The following KRTAP10-7 variants were observed in gnomAD, a reference collection of about 807,000 sequenced individuals.
KRTAP10-7 encodes keratin associated protein 10-7.
For synonymous variants in KRTAP10-7, 162 were observed against 199.6 expected (o/e 0.81, Z 1.59); for missense variants, 394 against 474.3 (o/e 0.83, Z 1.57).
rs368538502 is a variant in KRTAP10-7, at chr21:44,601,188, G to C, written c.567G>C (p.Ala189=). ...VSCVSSPCCQ[A]VCEPSPCQSG... is the part of the protein sequence containing the mutation. Reference sequence around the variant, plus strand: ...GTGTGTCCAGTCCCTGCTGCCAGGCGGTCTGTGAGCCCAGCCCCTGCCAAT... The same window carrying C: ...GTGTGTCCAGTCCCTGCTGCCAGGCCGTCTGTGAGCCCAGCCCCTGCCAAT... Residue 189 remains alanine (A), a synonymous_variant, in exon 1 of 1, where the codon GCG becomes GCC. Transcript: ENST00000609664. The C allele has an allele frequency of 3.1e-6, 5 of 1,601,966 alleles. No individual in the cohort carries two copies. The South Asian group carries it at 3.3e-5, about 11-fold the overall frequency.
In KRTAP10-7 at chr21:44,601,090, G is replaced by T. The variant is rs1218053941; in HGVS notation, c.469G>T (p.Val157Leu). 10 of 1,609,504 alleles carry T rather than the reference G, an allele frequency of 6.2e-6. No homozygotes were observed. The highest frequency in any genetic ancestry group is 8.5e-6 in the Non-Finnish European group (10 of 1,179,472). The change falls in exon 1 of 1, where the codon GTG (valine) becomes TTG (leucine). Residue 157 changes from valine to leucine, a missense_variant. By Grantham distance (32) the Val-to-Leu change is conservative (BLOSUM62 1). Transcript: ENST00000609664. ...CTCCCCCTGCCAGCAGGCCTGCTGT[G>T]TGCCCATCTGCTGCAAGCCTGTCTG... ...TSSPCQQACCVPICCKPVCSG... is the reference protein window; with the variant it reads ...TSSPCQQACCLPICCKPVCSG...
In KRTAP10-7 at chr21:44,600,841, C is replaced by A. The variant is rs782593507; in HGVS notation, c.220C>A (p.Pro74Thr). 3 of 1,608,798 alleles carry A rather than the reference C, an allele frequency of 1.9e-6. No individual in the cohort carries two copies. The highest frequency in any genetic ancestry group is 3.3e-5 in the Admixed American group (2 of 59,854). Residue 74 changes from proline (P) to threonine (T), a missense_variant, in exon 1 of 1, where the codon CCC (proline) becomes ACC (threonine). By Grantham distance (38) the Pro-to-Thr change is conservative. Transcript: ENST00000609664. The stretch of plus-strand genomic sequence containing the variant: ...CCCCTGCTGCCGAGTGACCTGTGAG[C>A]CCAGCCCCTGCCAATCAGGCTGCAC... ...SSPCCRVTCE[P>T]SPCQSGCTSS...
In KRTAP10-7 at chr21:44,600,825, C is replaced by G; in HGVS notation, c.204C>G (p.Cys68Trp). The stretch of plus-strand genomic sequence containing the variant: ...TGAGCTATGTGTCCAGCCCCTGCTG[C>G]CGAGTGACCTGTGAGCCCAGCCCCT... ...TPVSYVSSPCCRVTCEPSPCQ... is the reference protein window; with the variant it reads ...TPVSYVSSPCWRVTCEPSPCQ... Residue 68 changes from cysteine (C) to tryptophan (W), a missense_variant, in exon 1 of 1, where the codon TGC becomes TGG. Cys to Trp is a radical substitution (Grantham distance 215). Coordinates refer to ENST00000609664, the MANE Select transcript of KRTAP10-7 (RefSeq NM_198689.3). The G allele has an allele frequency of 6.2e-7, 1 of 1,605,466 alleles. No individual in the cohort carries two copies. The highest frequency in any genetic ancestry group is 8.5e-7 in the Non-Finnish European group (1 of 1,178,400).
In KRTAP10-7 at chr21:44,601,049, C is replaced by T. The variant is rs1980820419; in HGVS notation, c.428C>T (p.Ser143Leu). The change falls in exon 1 of 1, where the codon TCA becomes TTA. Residue 143 changes from serine to leucine, a missense_variant. Ser to Leu is a moderately radical substitution (Grantham distance 145). Coordinates refer to ENST00000609664, the MANE Select transcript of KRTAP10-7 (RefSeq NM_198689.3). The stretch of plus-strand genomic sequence containing the variant: ...TGCTGCCAGCAGTCTAGCTGCCAGT[C>T]AGCTTGCTGCACCTCCTCCCCCTGC... ...SSCCQQSSCQ[S>L]ACCTSSPCQQ... is the part of the protein sequence containing the mutation. 6.2e-7 allele frequency: 1 copy of T among 1,612,332 alleles called. No homozygotes were observed. The highest frequency in any genetic ancestry group is 8.5e-7 in the Non-Finnish European group (1 of 1,179,794).
At position 44,601,596 on chromosome 21, in the gene KRTAP10-7, C is replaced by A. The variant is rs1312560158; in HGVS notation, c.975C>A (p.Val325=). 1 of 1,613,478 alleles carries A rather than the reference C, an allele frequency of 6.2e-7. No homozygotes were observed. The highest frequency in any genetic ancestry group is 8.5e-7 in the Non-Finnish European group (1 of 1,179,786). Residue 325 remains valine, a synonymous_variant, in exon 1 of 1, where the codon GTC becomes GTA. Coordinates refer to ENST00000609664, the MANE Select transcript of KRTAP10-7 (RefSeq NM_198689.3). The stretch of plus-strand genomic sequence containing the variant: ...GCAGGCCCGCCTGCTGCGTGCCCGT[C>A]CCCTCCTGCTGCGCCCCCACCTCCT... The part of the protein sequence containing the change: ...PVCRPACCVP[V]PSCCAPTSSC...
chr21:44,600,725 A>G lies in KRTAP10-7; in HGVS notation c.104A>G (p.Asp35Gly). 6.2e-7 allele frequency: 1 copy of G among 1,612,384 alleles called. No homozygotes were observed. Among genetic ancestry groups the G allele is most frequent in the South Asian group, 1.1e-5 (1 of 90,934 alleles). The stretch of plus-strand genomic sequence containing the variant: ...TCTTGCTCCGACTCCTGGCAGGTGG[A>G]CGACTGCCCAGAGAGCTGCTGCGAG... ...CDSCSDSWQV[D>G]DCPESCCEPP... The change falls in exon 1 of 1, where the codon GAC (aspartate) becomes GGC (glycine). Residue 35 changes from aspartate (D) to glycine (G), a missense_variant. Transcript: ENST00000609664.
chr21:44,600,631 T>C lies in KRTAP10-7; in HGVS notation c.10T>C (p.Ser4Pro), dbSNP rs782639544. The C allele has an allele frequency of 1.2e-6, 2 of 1,613,090 alleles. No homozygotes were observed. The highest frequency in any genetic ancestry group is 1.7e-6 in the Non-Finnish European group (2 of 1,179,464). The change falls in exon 1 of 1, where the codon TCC becomes CCC. Residue 4 changes from serine (S) to proline (P), a missense_variant. Coordinates refer to ENST00000609664, the MANE Select transcript of KRTAP10-7 (RefSeq NM_198689.3). ...CAGTTCAATCCCCAGCATGGCTGCG[T>C]CCACTATGTCTGTCTGCTCCAGCGA... MAASTMSVCSSDLS... is the reference protein window; with the variant it reads MAAPTMSVCSSDLS...
At position 44,601,672 on chromosome 21, in the gene KRTAP10-7, C is replaced by T. The variant is rs782495014; in HGVS notation, c.1051C>T (p.Arg351Cys). 15 of 1,612,752 alleles carry T rather than the reference C, an allele frequency of 9.3e-6. No homozygotes were observed. The highest frequency in any genetic ancestry group is 3.3e-5 in the South Asian group (3 of 90,942). ...AGCCTCCTGTGTGTCTCTCCTTTGC[C>T]GCCCCGCATGCTCCCGCCCGGCCTG... ...RPASCVSLLC[R>C]PACSRPACCG... The change falls in exon 1 of 1, where the codon CGC (arginine) becomes TGC (cysteine). Residue 351 changes from arginine (R) to cysteine (C), a missense_variant. By Grantham distance (180) the Arg-to-Cys change is radical (BLOSUM62 -3). Coordinates refer to ENST00000609664, the MANE Select transcript of KRTAP10-7 (RefSeq NM_198689.3).
rs1555928910 is a variant in KRTAP10-7, at chr21:44,601,739, TCTC to T, written c.*8_*10del. 2 of 1,607,866 alleles carry T rather than the reference TCTC, an allele frequency of 1.2e-6. No homozygotes were observed. Among genetic ancestry groups the T allele is most frequent in the Admixed American group, 1.7e-5 (1 of 59,782 alleles). Reference sequence around the variant, plus strand: ...ACCCAGAAGTCCAGCTGCTGAGTGATCTCCTTAAGATCATCCAAAGCCTGAGTG... The same window carrying T: ...ACCCAGAAGTCCAGCTGCTGAGTGATCTTAAGATCATCCAAAGCCTGAGTG... On this transcript the variant is annotated 3_prime_UTR_variant, in exon 1 of 1. Coordinates refer to ENST00000609664, the MANE Select transcript of KRTAP10-7 (RefSeq NM_198689.3).
In KRTAP10-7 at chr21:44,602,018, A is replaced by C; in HGVS notation, c.*284A>C. On this transcript the variant is annotated 3_prime_UTR_variant, in exon 1 of 1. Transcript: ENST00000609664. ...AGGCCATAGCCCGGTGTGGGGAGAA[A>C]TGAGGGTAGACAGGTACCAACTGGG... 1 of 552,220 alleles carries C rather than the reference A, an allele frequency of 1.8e-6. No homozygotes were observed. The highest frequency in any genetic ancestry group is 3.1e-5 in the East Asian group (1 of 32,030). 34.2% of individuals were successfully genotyped at this position (552,220 alleles called of 1,614,324 possible).
chr21:44,602,001 GC>G lies in KRTAP10-7; in HGVS notation c.*270del, dbSNP rs1980967773. ...GGCCAGCGGGTGCTCCCAGGCCATA[GC>G]CCGGTGTGGGGAGAAATGAGGGTAG... On this transcript the variant is annotated 3_prime_UTR_variant, in exon 1 of 1. Transcript: ENST00000609664. 1.7e-6 allele frequency: 1 copy of G among 583,948 alleles called. No homozygotes were observed. The highest frequency in any genetic ancestry group is 3.1e-6 in the Non-Finnish European group (1 of 321,074). The allele number at this position is 583,948 out of a possible 1,614,324, so 36.2% of individuals were successfully genotyped here.
Position 44,601,172 on chromosome 21 carries a change from G to C in KRTAP10-7, c.551G>C (p.Ser184Thr), listed in dbSNP as rs782368834. The change falls in exon 1 of 1, where the codon AGT becomes ACT. Residue 184 changes from serine (S) to threonine (T), a missense_variant. By Grantham distance (58) the Ser-to-Thr change is moderately conservative. Transcript: ENST00000609664. The part of the protein sequence containing the change: ...QQSSCVSCVS[S>T]PCCQAVCEPS... The stretch of plus-strand genomic sequence containing the variant: ...TCTAGCTGTGTGAGCTGTGTGTCCA[G>C]TCCCTGCTGCCAGGCGGTCTGTGAG... 8.8e-6 allele frequency: 14 copies of C among 1,599,716 alleles called. No individual in the cohort carries two copies. The African/African-American group carries it at 1.9e-4, about 21-fold the overall frequency.
In KRTAP10-7 at chr21:44,600,728, A is replaced by C. The variant is rs59535157; in HGVS notation, c.107A>C (p.Asp36Ala). 5,071 of 1,606,364 alleles carry C rather than the reference A, an allele frequency of 3.2e-3. 144 individuals carry two copies. In the African/African-American group the frequency reaches 0.062, roughly 20 times the overall value. Residue 36 changes from aspartate (D) to alanine (A), a missense_variant, in exon 1 of 1, where the codon GAC (aspartate) becomes GCC (alanine). Coordinates refer to ENST00000609664, the MANE Select transcript of KRTAP10-7 (RefSeq NM_198689.3). ...DSCSDSWQVDDCPESCCEPPC... is the reference protein window; with the variant it reads ...DSCSDSWQVDACPESCCEPPC... ...TGCTCCGACTCCTGGCAGGTGGACG[A>C]CTGCCCAGAGAGCTGCTGCGAGCCC...
rs782545061 is a variant in KRTAP10-7 at position 44,601,610 on chromosome 21, C to T, written c.989C>T (p.Ala330Val). Residue 330 changes from alanine (A) to valine (V), a missense_variant, in exon 1 of 1, where the codon GCC becomes GTC. Transcript: ENST00000609664. The part of the protein sequence containing the change: ...ACCVPVPSCC[A>V]PTSSCQASCC... The stretch of plus-strand genomic sequence containing the variant: ...TGCGTGCCCGTCCCCTCCTGCTGCG[C>T]CCCCACCTCCTCCTGCCAGGCCAGC... 1.9e-5 allele frequency: 30 copies of T among 1,613,508 alleles called. No individual in the cohort carries two copies. The highest frequency in any genetic ancestry group is 3.3e-4 in the Middle Eastern group (2 of 6,058).
rs780545702 is a variant in KRTAP10-7, at chr21:44,600,608, G to C, written c.-14G>C. The C allele has an allele frequency of 3.5e-5, 57 of 1,608,486 alleles. No homozygotes were observed. The highest frequency in any genetic ancestry group is 4.8e-5 in the Non-Finnish European group (56 of 1,177,080). On this transcript the variant is annotated 5_prime_UTR_variant, in exon 1 of 1. Transcript: ENST00000609664. ...CACCCACTCACTCCCATCTCCTCCA[G>C]TTCAATCCCCAGCATGGCTGCGTCC... is the stretch of plus-strand genomic sequence containing the variant.
Position 44,600,996 on chromosome 21 carries a change from T to C in KRTAP10-7, c.375T>C (p.Cys125=). ...CTGTCTGCTGCAAGCCTGTGTACTG[T>C]GTGCCTGTCTGCAGTGGGGATTCTT... ...CKTVCCKPVY[C]VPVCSGDSSC... Residue 125 remains cysteine, a synonymous_variant, in exon 1 of 1, where the codon TGT becomes TGC. Transcript: ENST00000609664. 1 of 1,611,658 alleles carries C rather than the reference T, an allele frequency of 6.2e-7. No homozygotes were observed. The highest frequency in any genetic ancestry group is 8.5e-7 in the Non-Finnish European group (1 of 1,179,788).
Position 44,601,070 on chromosome 21 carries a change from C to A in KRTAP10-7, c.449C>A (p.Pro150His), listed in dbSNP as rs1555928561. 3 of 1,610,328 alleles carry A rather than the reference C, an allele frequency of 1.9e-6. No individual in the cohort carries two copies. Among genetic ancestry groups the A allele is most frequent in the East Asian group, 4.5e-5 (2 of 44,346 alleles). ...SCQSACCTSS[P>H]CQQACCVPIC... Reference sequence around the variant, plus strand: ...CAGTCAGCTTGCTGCACCTCCTCCCCCTGCCAGCAGGCCTGCTGTGTGCCC... The same window carrying A: ...CAGTCAGCTTGCTGCACCTCCTCCCACTGCCAGCAGGCCTGCTGTGTGCCC... Residue 150 changes from proline (P) to histidine (H), a missense_variant, in exon 1 of 1, where the codon CCC becomes CAC. Transcript: ENST00000609664.
Position 44,602,023 on chromosome 21 carries a change from G to A in KRTAP10-7, c.*289G>A. 1 of 540,358 alleles carries A rather than the reference G, an allele frequency of 1.9e-6. No homozygotes were observed. Among genetic ancestry groups the A allele is most frequent in the Non-Finnish European group, 3.4e-6 (1 of 296,290 alleles). 33.5% of individuals were successfully genotyped at this position (540,358 alleles called of 1,614,324 possible). On this transcript the variant is annotated 3_prime_UTR_variant, in exon 1 of 1. Transcript: ENST00000609664. Reference sequence around the variant, plus strand: ...ATAGCCCGGTGTGGGGAGAAATGAGGGTAGACAGGTACCAACTGGGTTTCT... The same window carrying A: ...ATAGCCCGGTGTGGGGAGAAATGAGAGTAGACAGGTACCAACTGGGTTTCT...
chr21:44,601,848 G>C lies in KRTAP10-7; in HGVS notation c.*114G>C. The C allele has an allele frequency of 7.1e-7, 1 of 1,406,112 alleles. No homozygotes were observed. The highest frequency in any genetic ancestry group is 9.5e-7 in the Non-Finnish European group (1 of 1,048,494). The allele number at this position is 1,406,112 out of a possible 1,614,324, so 87.1% of individuals were successfully genotyped here. On this transcript the variant is annotated 3_prime_UTR_variant, in exon 1 of 1. Transcript: ENST00000609664. ...CTCCTAAGCCCTGCAGTGGACGTCA[G>C]TGGTCAGCTGGCCATCCAGTGTGCG...
Sources: allele counts gnomAD v4.1 joint callset, GRCh38; gene constraint gnomAD v4.1.1; transcripts MANE v1.5; gene names NCBI Gene and HGNC (gene_info 2026-07-23, HGNC 2026-07-21).